Variants in VPS13C observed in about 807,000 individuals in gnomAD.
VPS13C encodes the protein intermembrane lipid transfer protein VPS13C.
In VPS13C, 358 loss-of-function variants were observed where a neutral mutation model predicts 456.8. That is an observed-to-expected ratio of 0.78 (90% CI 0.72 to 0.86). The LOEUF is 0.86. VPS13C is among the 40% of genes least tolerant of loss of function. The pLI, the probability that VPS13C is intolerant of heterozygous loss-of-function variation, is 0.00. For missense variants in VPS13C, 4,818 were observed against 4,385.4 expected (o/e 1.10, Z -2.79); for synonymous variants, 1,578 against 1,486.7 (o/e 1.06, Z -1.41).
At chr15:62,027,455 A>C (rs979168443) in intron 6 of VPS13C, among the ~76,000 whole-genome samples, 4 of 152,222 alleles carry the variant, frequency 2.6e-5, no homozygotes, top group Middle Eastern at 6.8e-3. Context: ...GAGTAGGTTT[A>C]TTAGAACGGA....
At position 61,961,415 on chromosome 15, in the gene VPS13C, ACACACACAC is replaced by A. The variant is rs879370505; in HGVS notation, c.3908+165_3908+173del. On this transcript the variant is annotated intron_variant, in intron 35 of 84. Coordinates refer to ENST00000644861, the MANE Select transcript of VPS13C (RefSeq NM_020821.3). ...TCAAAACACACACACACACACACAC[ACACACACAC>A]ACACACACACACACACACAAAACAA... Among the ~76,000 whole-genome samples the A allele has an allele frequency of 9.6e-4, 126 of 131,064 alleles. 2 individuals are homozygous for A. The East Asian group carries it at 0.01, about 11-fold the overall frequency. The allele number at this position is 131,064 out of a possible 152,430, so 86.0% of individuals were successfully genotyped here. A position where few individuals can be genotyped will look rare whatever the true frequency, so the allele number is the denominator to read the frequency against.
intron 62 of VPS13C, among the ~76,000 whole-genome samples, chr15:61,912,710 T>C (rs547824105): frequency 9.9e-4 from 151 of 151,810 alleles, no homozygotes; most frequent in Admixed American, 2.1e-3. Context: ...GTTACATATG[T>C]ATACATGTAC....
chr15:62,045,845 T>G (rs957574081), intron 1 of VPS13C, among the ~76,000 whole-genome samples: 1 of 151,950 alleles, frequency 6.6e-6, no homozygotes. Context: ...ACATCTGTAT[T>G]ATAAACAAAA....
At chr15:62,000,979 T>C (rs1457371360) in intron 15 of VPS13C, among the ~76,000 whole-genome samples, 1 of 152,180 alleles carries the variant, frequency 6.6e-6, no homozygotes, top group Non-Finnish European at 1.5e-5. Context: ...ACTCCCCCCA[T>C]TCTTATCATT....
At chr15:62,046,724 A>C (rs1199732051) in intron 1 of VPS13C, among the ~76,000 whole-genome samples, 3 of 152,222 alleles carry the variant, frequency 2.0e-5, no homozygotes, top group African/African-American at 7.2e-5. Flanking sequence ...GTTTGTAAAA[A>C]TATAAATATA....
rs1174592618 is a variant in VPS13C at position 61,951,776 on chromosome 15, G to C, written c.4456+48C>G. ...TGTTTAATGTTGATAAAAAGGTAGG[G>C]ATCATCTGCCTAATGAATAATTTAC... On this transcript the variant is annotated intron_variant, in intron 39 of 84. Coordinates refer to ENST00000644861, the MANE Select transcript of VPS13C (RefSeq NM_020821.3). 3.2e-6 allele frequency: 5 copies of C among 1,539,936 alleles called. No individual in the cohort carries two copies. The East Asian group carries it at 6.8e-5, about 21-fold the overall frequency.
chr15:61,988,444 GAA>G (rs1268795538), intron 18 of VPS13C, among the ~76,000 whole-genome samples: 2 of 152,110 alleles, frequency 1.3e-5, no homozygotes, highest in South Asian at 4.1e-4. Flanking sequence ...TTAGAGGAAT[GAA>G]AAAGAGGTAA....
chr15:61,891,772 G>A (rs939339610), intron 66 of VPS13C, among the ~76,000 whole-genome samples: 1 of 152,148 alleles, frequency 6.6e-6, no homozygotes, highest in African/African-American at 2.4e-5. Context: ...TCAACAGAGG[G>A]TGATAACGCC....
rs1353332844 is a variant in VPS13C at position 61,859,513 on chromosome 15, T to C, written c.10953-3104A>G. Among the ~76,000 whole-genome samples, 4 of 152,158 alleles carry C rather than the reference T, an allele frequency of 2.6e-5. No homozygotes were observed. The South Asian group carries it at 6.2e-4, about 24-fold the overall frequency. Reference sequence around the variant, plus strand: ...ACCCTACCATCCAGCCATTCCACACTGATCTTACTGGTCAAAGTGCCATAC... The same window carrying C: ...ACCCTACCATCCAGCCATTCCACACCGATCTTACTGGTCAAAGTGCCATAC... On this transcript the variant is annotated intron_variant, in intron 82 of 84. Coordinates refer to ENST00000644861, the MANE Select transcript of VPS13C (RefSeq NM_020821.3).
chr15:62,046,982 T>A (rs1299496004), intron 1 of VPS13C, among the ~76,000 whole-genome samples: 1 of 152,056 alleles, frequency 6.6e-6, no homozygotes, highest in Non-Finnish European at 1.5e-5. Flanking sequence ...ATAATTAGAT[T>A]TTTTTATGTG....
intron 18 of VPS13C, among the ~76,000 whole-genome samples, chr15:61,986,874 A>G (rs1249799481): frequency 6.6e-6 from 1 of 152,166 alleles, no homozygotes; most frequent in African/African-American, 2.4e-5. Flanking sequence ...CTAGAATTCT[A>G]TACACAAAAG....
At position 61,974,278 on chromosome 15, in the gene VPS13C, A is replaced by G. The variant is rs745916192; in HGVS notation, c.2538+10T>C. On this transcript the variant is annotated intron_variant, in intron 25 of 84. Coordinates refer to ENST00000644861, the MANE Select transcript of VPS13C (RefSeq NM_020821.3). Reference sequence around the variant, plus strand: ...AAAATAGGGTTATACATTTTATTGTATCTATTTACCTGTCTCTCTGGAGAC... The same window carrying G: ...AAAATAGGGTTATACATTTTATTGTGTCTATTTACCTGTCTCTCTGGAGAC... 4 of 1,607,238 alleles carry G rather than the reference A, an allele frequency of 2.5e-6. No individual in the cohort carries two copies. The highest frequency in any genetic ancestry group is 3.4e-6 in the Non-Finnish European group (4 of 1,176,616).
chr15:61,980,889 G>T (rs997058235), intron 22 of VPS13C, among the ~76,000 whole-genome samples: 1 of 151,852 alleles, frequency 6.6e-6, no homozygotes, highest in Non-Finnish European at 1.5e-5. Context: ...ATTTGAAATT[G>T]TCACCTTTTA....
chr15:61,973,883 CT>C (rs2045627588), intron 25 of VPS13C, among the ~76,000 whole-genome samples: 1 of 152,000 alleles, frequency 6.6e-6, no homozygotes, highest in African/African-American at 2.4e-5. Context: ...CATGAGCTGG[CT>C]TTATCAAATT....
At chr15:61,901,751 C>T (rs2043004101) in intron 66 of VPS13C, among the ~76,000 whole-genome samples, 1 of 151,948 alleles carries the variant, frequency 6.6e-6, no homozygotes, top group Non-Finnish European at 1.5e-5. Flanking sequence ...ACCCAGCCAT[C>T]CCATTACTGG....
intron 51 of VPS13C, 180 bp from the exon 52 acceptor site, chr15:61,927,500 G>C (rs973850241): frequency 3.4e-6 from 2 of 586,242 alleles, no homozygotes; most frequent in African/African-American, 3.7e-5. Context: ...AATGCAGATT[G>C]AGCAAGATAA....
chr15:61,968,160 ATTTG>A (rs1474710522), intron 28 of VPS13C, among the ~76,000 whole-genome samples: 1 of 152,036 alleles, frequency 6.6e-6, no homozygotes, highest in African/African-American at 2.4e-5. Context: ...CTAAATTGAG[ATTTG>A]TTTTAGTTTC....
At chr15:61,980,054 C>T (rs1019773027) in intron 22 of VPS13C, among the ~76,000 whole-genome samples, 2 of 151,144 alleles carry the variant, frequency 1.3e-5, no homozygotes, top group African/African-American at 4.9e-5. Context: ...TGTGGGGGTG[C>T]GTGCCTGTAA....
chr15:61,973,108 C>G (rs1305735832), intron 26 of VPS13C, among the ~76,000 whole-genome samples: 1 of 152,168 alleles, frequency 6.6e-6, no homozygotes, highest in Non-Finnish European at 1.5e-5. Flanking sequence ...AGACATGGTC[C>G]TGTCCTGATG....
Sources: gnomAD v4.1 joint callset for allele counts (sites outside exome capture counted in the v4.1 genomes callset) on GRCh38, gnomAD v4.1.1 for gene constraint, MANE v1.5 for transcripts, NCBI Gene and HGNC (gene_info 2026-07-23, HGNC 2026-07-21) for gene names.